Variants in POC1B observed in about 807,000 individuals in gnomAD.
POC1B encodes the protein POC1 centriolar protein homolog B.
Under a neutral mutation model 60.6 loss-of-function variants are expected in POC1B, and 44 were observed. That is an observed-to-expected ratio of 0.73 (90% CI 0.57 to 0.93). POC1B has a LOEUF of 0.93. POC1B is among the 40% of genes least tolerant of loss of function. The probability of loss-of-function intolerance (pLI) is 0.00; values close to 1 mark genes in which losing one functional copy is unlikely to be tolerated. For missense variants in POC1B, 555 were observed against 572.3 expected, an observed-to-expected ratio of 0.97 and a Z score of 0.31; for synonymous variants, 180 against 198.9, an observed-to-expected ratio of 0.90 and a Z score of 0.80.
rs528486736 is a variant in POC1B at position 89,468,252 on chromosome 12, A to G, written c.811-567T>C. ...GGAGTAAGATGCTTGGTTGGAGGCC[A>G]GTTAGGAAGTTCCTGTAATTATCTA... On this transcript the variant is annotated intron_variant, in intron 7 of 11. Transcript: ENST00000313546. Among the ~76,000 whole-genome samples the G allele has an allele frequency of 3.3e-5, 5 of 152,308 alleles. 1 individual carries two copies. The South Asian group carries it at 8.3e-4, about 25-fold the overall frequency.
the POC1B span, among the ~76,000 whole-genome samples, chr12:89,403,064 G>A: frequency 2.6e-5 from 4 of 151,336 alleles, no homozygotes; most frequent in Non-Finnish European, 4.4e-5. Flanking sequence ...CTGGAATGCA[G>A]TGTCTCCATC....
At chr12:89,419,331 T>C (rs1880433788), downstream of POC1B, among the ~76,000 whole-genome samples, 1 of 151,830 alleles carries the variant, frequency 6.6e-6, no homozygotes, top group African/African-American at 2.4e-5. Flanking sequence ...AATAAATAAA[T>C]AAATAAAGAG....
At chr12:89,415,280 C>G (rs1386504481), downstream of POC1B, among the ~76,000 whole-genome samples, 1 of 152,194 alleles carries the variant, frequency 6.6e-6, no homozygotes, top group Admixed American at 6.5e-5. Flanking sequence ...GTCCCTGTAT[C>G]TGATTTCAGT....
the POC1B span, among the ~76,000 whole-genome samples, chr12:89,412,357 C>CT: frequency 0.013 from 1,759 of 138,056 alleles, 27 homozygotes; most frequent in African/African-American, 0.037. Context: ...TTTCTTTTTT[C>CT]TTTTTTTTTT....
chr12:89,442,289 A>T (rs1435225307), intron 10 of POC1B, among the ~76,000 whole-genome samples: 1 of 152,204 alleles, frequency 6.6e-6, no homozygotes, highest in Admixed American at 6.5e-5. Flanking sequence ...GAACAACTCC[A>T]AGATACATAA....
intron 10 of POC1B, among the ~76,000 whole-genome samples, chr12:89,433,067 G>A (rs564169607): frequency 9.2e-5 from 14 of 152,286 alleles, no homozygotes; most frequent in Non-Finnish European, 1.8e-4. Flanking sequence ...TGAGTCCTTC[G>A]GACCCTGACA....
intron 2 of POC1B, chr12:89,523,094 A>G (rs1379669820): frequency 7.4e-6 from 12 of 1,613,806 alleles, no homozygotes; most frequent in African/African-American, 2.7e-5. Context: ...GTATATTCAA[A>G]GAATTGATTG....
chr12:89,453,868 A>G (rs1882154152), intron 10 of POC1B, among the ~76,000 whole-genome samples: 1 of 152,236 alleles, frequency 6.6e-6, no homozygotes, highest in Non-Finnish European at 1.5e-5. Context: ...TTGTGTGTCC[A>G]TATATTTTGT....
chr12:89,465,702 T>C (rs1436882053), intron 9 of POC1B, among the ~76,000 whole-genome samples: 2 of 152,138 alleles, frequency 1.3e-5, no homozygotes, highest in African/African-American at 2.4e-5. Flanking sequence ...ACATGATTAA[T>C]ACTTTAGAAG....
At chr12:89,472,425 A>G (rs1006661003) in intron 4 of POC1B, 150 bp from the exon 5 acceptor site, 14 of 589,272 alleles carry the variant, frequency 2.4e-5, no homozygotes, top group Non-Finnish European at 3.8e-5. Context: ...TCTGCAGCCA[A>G]GATCTTCATC....
chr12:89,404,682 G>C, the POC1B span, among the ~76,000 whole-genome samples: 6 of 152,086 alleles, frequency 3.9e-5, no homozygotes, highest in Admixed American at 6.6e-5. Context: ...CAACTAACTT[G>C]ACTGTCAGCT....
intron 2 of POC1B, among the ~76,000 whole-genome samples, chr12:89,517,205 G>A (rs1018184438): frequency 3.3e-5 from 5 of 152,068 alleles, no homozygotes; most frequent in Non-Finnish European, 5.9e-5. Flanking sequence ...CATGATCTTT[G>A]CCTATGCTAC....
intron 4 of POC1B, among the ~76,000 whole-genome samples, chr12:89,483,251 T>C (rs1868450161): frequency 6.6e-6 from 1 of 152,222 alleles, no homozygotes; most frequent in Non-Finnish European, 1.5e-5. Context: ...GATAGTTTTA[T>C]AAGGGGCTTT....
Position 89,472,253 on chromosome 12 carries a change from T to C in POC1B, c.475A>G (p.Ile159Val), listed in dbSNP as rs765823697. The change falls in exon 5 of 12, where the codon ATT (isoleucine) becomes GTT (valine). Residue 159 changes from isoleucine to valine, a missense_variant. Ile to Val is a conservative substitution (Grantham distance 29). Transcript: ENST00000313546. ...CAKFSPDGRL[I>V]VSCSEDKTIK... ...GTTTTATCCTCACTACATGACACAA[T>C]TAGTCTTCCATCGGGTGAAAATCTA... 3.2e-5 allele frequency: 52 copies of C among 1,601,384 alleles called. No homozygotes were observed. The highest frequency in any genetic ancestry group is 4.3e-5 in the Non-Finnish European group (50 of 1,172,668).
the POC1B span, among the ~76,000 whole-genome samples, chr12:89,410,754 T>C: frequency 6.6e-6 from 1 of 151,416 alleles, no homozygotes; most frequent in African/African-American, 2.4e-5. Flanking sequence ...CAACATAGTA[T>C]TGGAAGTTCT....
intron 2 of POC1B, among the ~76,000 whole-genome samples, chr12:89,516,741 G>A (rs1216973297): frequency 1.3e-5 from 2 of 152,036 alleles, no homozygotes; most frequent in African/African-American, 4.8e-5. Flanking sequence ...TGTTGGCCGG[G>A]CCACACTCTC....
intron 2 of POC1B, among the ~76,000 whole-genome samples, chr12:89,516,141 T>C (rs1333823496): frequency 6.6e-6 from 1 of 152,212 alleles, no homozygotes; most frequent in Admixed American, 6.5e-5. Context: ...GACTATTTAA[T>C]ATTGTCTCTA....
At chr12:89,471,811 A>G (rs1882912160) in intron 5 of POC1B, 82 bp from the exon 6 acceptor site, 1 of 858,436 alleles carries the variant, frequency 1.2e-6, no homozygotes, top group South Asian at 1.8e-5. Context: ...CTTGTCACCC[A>G]GGCTGGAGTG....
rs1592626196 is a variant in POC1B, at chr12:89,494,493, G to C, written c.273-2378C>G. On this transcript the variant is annotated intron_variant, in intron 3 of 11. Transcript: ENST00000313546. ...TCTGTTTATTTCCCCTCCCTTTGAGGGGAGGTGTTGTGACTTTTGAGGGGA... is the reference window on the plus strand; with the variant it reads ...TCTGTTTATTTCCCCTCCCTTTGAGCGGAGGTGTTGTGACTTTTGAGGGGA... Among the ~76,000 whole-genome samples the C allele has an allele frequency of 2.0e-5, 3 of 152,132 alleles. No individual in the cohort carries two copies. The South Asian group carries it at 6.2e-4, about 32-fold the overall frequency.
Sources: gnomAD v4.1 joint callset for allele counts (sites outside exome capture counted in the v4.1 genomes callset) on GRCh38, gnomAD v4.1.1 for gene constraint, MANE v1.5 for transcripts, NCBI Gene and HGNC (gene_info 2026-07-23, HGNC 2026-07-21) for gene names.